The following INF2 variants were observed in gnomAD, a reference collection of about 807,000 sequenced individuals.
The protein encoded by INF2 is inverted formin-2.
INF2 carries 43 observed loss-of-function variants against 123.5 expected under a neutral mutation model. The ratio of observed to expected loss-of-function variants is 0.35; its 90% CI spans 0.27 to 0.45. INF2 has a LOEUF of 0.45. Ranked by LOEUF, INF2 falls within the 20% of genes least tolerant of loss-of-function variation. The pLI, the probability that INF2 is intolerant of heterozygous loss-of-function variation, is 1.00. For synonymous variants in INF2, 851 were observed against 745.0 expected (o/e 1.14, Z -2.32); for missense variants, 1,453 against 1,682.7 (o/e 0.86, Z 2.39).
chr14:104,705,999 G>A (rs1201296768), intron 5 of INF2, 36 bp from the exon 6 acceptor site: 2 of 1,596,138 alleles, frequency 1.3e-6, no homozygotes, highest in East Asian at 4.5e-5. Context: ...GGTGGTGGCA[G>A]CAGCAGGCTT....
chr14:104,687,069 G>A (rs758875422), upstream of INF2, among the ~76,000 whole-genome samples: 9 of 152,196 alleles, frequency 5.9e-5, no homozygotes, highest in South Asian at 2.1e-4. The surrounding 1 kb of genome is among the most constrained non-coding windows in gnomAD (Gnocchi z 5.6). Context: ...GCTGGGGGCC[G>A]GCACTTGTGT....
At chr14:104,690,945 A>C (rs1888915602) in intron 1 of INF2, among the ~76,000 whole-genome samples, 1 of 152,128 alleles carries the variant, frequency 6.6e-6, no homozygotes, top group Admixed American at 6.5e-5. Context: ...TCCCACCCCT[A>C]CCAGGGCAGC....
rs561575765 is a variant in INF2, at chr14:104,722,005, A to G, written c.*3212A>G. ...CCCAAAGAGTGGAACCCACAGGTGG[A>G]CACACCCATGCACCCTCGTTCTTGC... is the stretch of plus-strand genomic sequence containing the variant. On this transcript the variant is annotated 3_prime_UTR_variant, in exon 23 of 23. Coordinates refer to ENST00000392634, the MANE Select transcript of INF2 (RefSeq NM_022489.4). The G allele has an allele frequency of 1.3e-5, 2 of 152,408 alleles. No individual in the cohort carries two copies. The highest frequency in any genetic ancestry group is 2.9e-5 in the Non-Finnish European group (2 of 68,100). 9.4% of individuals were successfully genotyped at this position (152,408 alleles called of 1,614,324 possible). A position where few individuals can be genotyped will look rare whatever the true frequency, so the allele number is the denominator to read the frequency against.
upstream of INF2, chr14:104,684,781 C>CA (rs1297344372): frequency 7.9e-5 from 12 of 152,296 alleles, no homozygotes; most frequent in Non-Finnish European, 1.6e-4. The surrounding 1 kb of genome is among the most constrained non-coding windows in gnomAD (Gnocchi z 5.0). Flanking sequence ...AAACACTTGA[C>CA]AGAGTGAATG....
rs765264633 is a variant in INF2, at chr14:104,710,932, T to C, written c.2240-5T>C. On this transcript the variant is annotated splice_region_variant and splice_polypyrimidine_tract_variant and intron_variant, in intron 13 of 22. Transcript: ENST00000392634. ...GCCCCTCTCCAGCCCTGGCTGCCCCTGCAGGCCTGCTCACCAGCCGCCAGC... is the reference window on the plus strand; with the variant it reads ...GCCCCTCTCCAGCCCTGGCTGCCCCCGCAGGCCTGCTCACCAGCCGCCAGC... 4.2e-5 allele frequency: 68 copies of C among 1,611,962 alleles called. No individual in the cohort carries two copies. In the Middle Eastern group the frequency reaches 6.6e-4, roughly 16 times the overall value.
rs763044552 is a variant in INF2, at chr14:104,708,682, C to T, written c.1899C>T (p.Leu633=). The change falls in exon 10 of 23, where the codon CTC becomes CTT. Residue 633 remains leucine, a synonymous_variant. Transcript: ENST00000392634. ...ARKEPKEITF[L]DAKKSLNLNI... is the part of the protein sequence containing the mutation. Reference sequence around the variant, plus strand: ...GGGGGGTTTTCTAGATCACTTTCCTCGATGCCAAGAAGAGCCTGAACCTCA... The same window carrying T: ...GGGGGGTTTTCTAGATCACTTTCCTTGATGCCAAGAAGAGCCTGAACCTCA... 9.3e-6 allele frequency: 15 copies of T among 1,612,918 alleles called. No individual in the cohort carries two copies. Among genetic ancestry groups the T allele is most frequent in the Middle Eastern group, 1.6e-4 (1 of 6,084 alleles).
chr14:104,689,837 T>A (rs916491812), intron 1 of INF2, 98 bp downstream of exon 1: 1 of 728,988 alleles, frequency 1.4e-6, no homozygotes, highest in Non-Finnish European at 1.7e-6. Flanking sequence ...GGTTCCGGGC[T>A]GCGGCGTGTG....
At position 104,699,658 on chromosome 14, in the gene INF2, A is replaced by G; in HGVS notation, c.-9-1699A>G. 1 of 915,908 alleles carries G rather than the reference A, an allele frequency of 1.1e-6. No individual in the cohort carries two copies. Among genetic ancestry groups the G allele is most frequent in the Non-Finnish European group, 1.3e-6 (1 of 766,370 alleles). The allele number at this position is 915,908 out of a possible 1,614,324, so 56.7% of individuals were successfully genotyped here. A position where few individuals can be genotyped will look rare whatever the true frequency, so the allele number is the denominator to read the frequency against. ...GGGCCTGGGAGGGTGGCTTAAAACC[A>G]CAGTGCACCGGGGGCTCCGGGCTCT... On this transcript the variant is annotated intron_variant, in intron 1 of 22. Transcript: ENST00000392634. This position sits in a 1 kb window ranked among gnomAD's most constrained non-coding sequence, Gnocchi z 4.7.
chr14:104,708,064 GA>G, intron 8 of INF2, 62 bp downstream of exon 8: 1 of 1,595,816 alleles, frequency 6.3e-7, no homozygotes, highest in Non-Finnish European at 8.5e-7. Context: ...CTCTGCTGGG[GA>G]GAGGGGCAGG....
Position 104,719,086 on chromosome 14 carries a change from C to A in INF2, c.*293C>A. ...GGCCCACACCCGCATGCGCCCGGTG[C>A]AGCCTGCCAAGGGCCAGTCGGGGGG... On this transcript the variant is annotated 3_prime_UTR_variant, in exon 23 of 23. Coordinates refer to ENST00000392634, the MANE Select transcript of INF2 (RefSeq NM_022489.4). 1 of 558,860 alleles carries A rather than the reference C, an allele frequency of 1.8e-6. No homozygotes were observed. Among genetic ancestry groups the A allele is most frequent in the Non-Finnish European group, 3.0e-6 (1 of 334,366 alleles). The allele number at this position is 558,860 out of a possible 1,614,324, so 34.6% of individuals were successfully genotyped here.
intron 6 of INF2, 90 bp from the exon 7 acceptor site, chr14:104,706,820 G>A: frequency 6.8e-7 from 1 of 1,460,502 alleles, no homozygotes; most frequent in Non-Finnish European, 9.2e-7. Flanking sequence ...AGGGGGTGAT[G>A]GGGCTGGACA....
At chr14:104,685,867 ATGGG>A (rs1888646727), upstream of INF2, among the ~76,000 whole-genome samples, 1 of 93,618 alleles carries the variant, frequency 1.1e-5, no homozygotes, top group Non-Finnish European at 2.0e-5. Flanking sequence ...GGATGGATGG[ATGGG>A]TGGGTGGATG....
At chr14:104,711,044 A>AG in intron 14 of INF2, 35 bp from the exon 15 acceptor site, 1 of 1,608,930 alleles carries the variant, frequency 6.2e-7, no homozygotes, top group Non-Finnish European at 8.5e-7. Context: ...ACCTGGTGCC[A>AG]GGGGCTGGTG....
intron 1 of INF2, among the ~76,000 whole-genome samples, 169 bp downstream of exon 1, chr14:104,689,908 G>T (rs1052153862): frequency 6.6e-6 from 1 of 151,680 alleles, no homozygotes; most frequent in South Asian, 2.1e-4. Context: ...GGGGACCCCA[G>T]GGCGCCCCTG....
intron 1 of INF2, among the ~76,000 whole-genome samples, 191 bp downstream of exon 1, chr14:104,689,930 T>A (rs1888856082): frequency 6.6e-6 from 1 of 151,336 alleles, no homozygotes; most frequent in Non-Finnish European, 1.5e-5. Context: ...CCCCCCCGGC[T>A]CCGCGCGCCC....
chr14:104,685,206 C>T (rs998464144), upstream of INF2, among the ~76,000 whole-genome samples: 5 of 152,190 alleles, frequency 3.3e-5, no homozygotes, highest in African/African-American at 1.2e-4. Flanking sequence ...CCCTGACTGA[C>T]TGCCCCACCC....
intron 21 of INF2, among the ~76,000 whole-genome samples, 153 bp downstream of exon 21, chr14:104,715,009 C>T (rs1435942330): frequency 6.6e-6 from 1 of 152,236 alleles, no homozygotes; most frequent in Non-Finnish European, 1.5e-5. Context: ...AGTGCGTCCA[C>T]CGCAGGGCGG....
intron 3 of INF2, 35 bp downstream of exon 3, chr14:104,703,255 C>T: frequency 6.2e-7 from 1 of 1,612,870 alleles, no homozygotes; most frequent in Non-Finnish European, 8.5e-7. Flanking sequence ...GCACATGGGG[C>T]TCCCTGCCTG....
intron 5 of INF2, among the ~76,000 whole-genome samples, 196 bp from the exon 6 acceptor site, chr14:104,705,839 C>T (rs1226512993): frequency 6.6e-6 from 1 of 152,246 alleles, no homozygotes; most frequent in Non-Finnish European, 1.5e-5. Context: ...GCGCAAGGCA[C>T]TGACCTGGGA....
Sources: gnomAD v4.1 joint callset for allele counts (sites outside exome capture counted in the v4.1 genomes callset) on GRCh38, gnomAD v4.1.1 for gene constraint, Gnocchi (gnomAD v3.1) non-coding constraint, MANE v1.5 for transcripts, NCBI Gene and HGNC (gene_info 2026-07-23, HGNC 2026-07-21) for gene names.